The following TNIK variants were observed in gnomAD, a reference collection of about 807,000 sequenced individuals.
TNIK encodes TRAF2 and NCK-interacting protein kinase.
A neutral mutation model predicts 191.3 loss-of-function variants in TNIK; 49 were observed. The observed-to-expected ratio is 0.26, with a 90% CI of 0.20 to 0.32. The LOEUF (loss-of-function observed/expected upper bound fraction) is 0.32. Among genes scored for constraint, TNIK ranks in the 10% least tolerant of loss-of-function variants. The pLI is 1.00. For missense variants in TNIK, 1,155 were observed against 1,702.3 expected (o/e 0.68, Z 5.66); for synonymous variants, 594 against 600.9 (o/e 0.99, Z 0.17).
intron 2 of TNIK, among the ~76,000 whole-genome samples, chr3:171,351,476 A>G (rs1713201926): frequency 6.6e-6 from 1 of 152,172 alleles, no homozygotes; most frequent in African/African-American, 2.4e-5. Flanking sequence ...ATTTTTCATT[A>G]GGTATTTTGA....
chr3:171,190,834 G>A (rs1737979392), intron 5 of TNIK, 47 bp from the exon 6 acceptor site: 2 of 1,399,390 alleles, frequency 1.4e-6, no homozygotes, highest in Non-Finnish European at 2.0e-6. Flanking sequence ...CATAAGCCAA[G>A]ATGCCAATAA....
intron 1 of TNIK, among the ~76,000 whole-genome samples, chr3:171,412,702 C>T (rs1722563492): frequency 6.6e-6 from 1 of 152,214 alleles, no homozygotes; most frequent in Admixed American, 6.5e-5. Context: ...CTAAACAAGA[C>T]TGATATCTAA....
chr3:171,207,720 A>G (rs911866837), intron 4 of TNIK, among the ~76,000 whole-genome samples: 3 of 152,164 alleles, frequency 2.0e-5, no homozygotes, highest in Admixed American at 6.5e-5. Flanking sequence ...ATTGTTGACA[A>G]TGTAGAAGTC....
At chr3:171,359,475 G>A (rs138444855) in intron 2 of TNIK, among the ~76,000 whole-genome samples, 10 of 152,176 alleles carry the variant, frequency 6.6e-5, no homozygotes, top group Non-Finnish European at 1.5e-4. Flanking sequence ...GTCTGCCTTT[G>A]TTGTAGAGAG....
At chr3:171,086,830 G>C (rs1004916126) in intron 24 of TNIK, among the ~76,000 whole-genome samples, 5 of 152,010 alleles carry the variant, frequency 3.3e-5, no homozygotes, top group African/African-American at 9.7e-5. Context: ...GGTAATGCTT[G>C]GTTTCTTTCT....
At chr3:171,121,947 C>G (rs1473166891) in intron 18 of TNIK, among the ~76,000 whole-genome samples, 1 of 152,104 alleles carries the variant, frequency 6.6e-6, no homozygotes, top group African/African-American at 2.4e-5. Context: ...CTCACTTCCT[C>G]CCTTCCTCTC....
chr3:171,176,408 C>T lies in TNIK; in HGVS notation c.694+918G>A, dbSNP rs139056589. ...TAAAGGGCCTATTTTTGTCCTAGTC[C>T]TTTGAGATGCAGACACCAAGGATAT... On this transcript the variant is annotated intron_variant, in intron 8 of 32. Transcript: ENST00000436636. Among the ~76,000 whole-genome samples the T allele has an allele frequency of 2.8e-3, 431 of 152,218 alleles. 2 individuals are homozygous for T. The highest frequency in any genetic ancestry group is 1.0e-2 in the African/African-American group (414 of 41,536).
At chr3:171,316,355 A>G (rs1754597605) in intron 2 of TNIK, among the ~76,000 whole-genome samples, 1 of 152,198 alleles carries the variant, frequency 6.6e-6, no homozygotes, top group Non-Finnish European at 1.5e-5. Context: ...AAGGAGGAAT[A>G]GAGAGAAAGA....
At chr3:171,280,707 T>G (rs1045038341) in intron 2 of TNIK, among the ~76,000 whole-genome samples, 4 of 150,804 alleles carry the variant, frequency 2.7e-5, no homozygotes, top group African/African-American at 9.7e-5. Context: ...AACCAAAAGA[T>G]GAAATAAAAG....
intron 1 of TNIK, among the ~76,000 whole-genome samples, chr3:171,441,203 C>T (rs547040736): frequency 6.6e-6 from 1 of 152,226 alleles, no homozygotes; most frequent in Non-Finnish European, 1.5e-5. Context: ...TACTTTAACA[C>T]CTTTATTGAG....
At chr3:171,278,348 A>G (rs185252565) in intron 2 of TNIK, among the ~76,000 whole-genome samples, 28 of 152,300 alleles carry the variant, frequency 1.8e-4, no homozygotes, top group Non-Finnish European at 3.5e-4. Context: ...TCACATAACA[A>G]TGAATTTCTG....
intron 2 of TNIK, among the ~76,000 whole-genome samples, chr3:171,283,484 T>A (rs940355260): frequency 6.6e-6 from 1 of 152,116 alleles, no homozygotes; most frequent in Non-Finnish European, 1.5e-5. Flanking sequence ...ATAATCAGCA[T>A]CACCATTCAC....
intron 15 of TNIK, 137 bp downstream of exon 15, chr3:171,138,054 T>C: frequency 2.8e-6 from 2 of 719,590 alleles, no homozygotes; most frequent in Non-Finnish European, 3.9e-6. Flanking sequence ...TTATAGTTCT[T>C]GCAAAAGCAA....
chr3:171,209,205 C>T (rs1273747865), intron 4 of TNIK, among the ~76,000 whole-genome samples: 1 of 151,804 alleles, frequency 6.6e-6, no homozygotes, highest in Non-Finnish European at 1.5e-5. Flanking sequence ...GCCTACTAGG[C>T]AAGAAATGGT....
At chr3:171,241,429 G>C (rs1744975061) in intron 2 of TNIK, among the ~76,000 whole-genome samples, 1 of 152,086 alleles carries the variant, frequency 6.6e-6, no homozygotes, top group South Asian at 2.1e-4. Flanking sequence ...GATTTTTCCA[G>C]GTTGTATTTT....
chr3:171,189,295 T>C (rs1737738473), intron 6 of TNIK, among the ~76,000 whole-genome samples: 1 of 152,196 alleles, frequency 6.6e-6, no homozygotes, highest in African/African-American at 2.4e-5. Flanking sequence ...ATTGTGTGTA[T>C]GGACCACATT....
In TNIK at chr3:171,161,285, T is replaced by G; in HGVS notation, c.1001A>C (p.Asp334Ala). Reference protein sequence around the residue: ...SGSEEEEEENDSGEPSSILNL... With the variant: ...SGSEEEEEENASGEPSSILNL... Reference sequence around the variant, plus strand: ...GCTCTCATACCTGGGCTCTCCTGAGTCATTCTCCTCCTCTTCTTCCTCACT... The same window carrying G: ...GCTCTCATACCTGGGCTCTCCTGAGGCATTCTCCTCCTCTTCTTCCTCACT... The change falls in exon 11 of 33, where the codon GAC becomes GCC. Residue 334 changes from aspartate to alanine, a missense_variant. Asp to Ala is a moderately radical substitution (Grantham distance 126). Transcript: ENST00000436636. The G allele has an allele frequency of 6.2e-7, 1 of 1,613,342 alleles. No homozygotes were observed. The highest frequency in any genetic ancestry group is 8.5e-7 in the Non-Finnish European group (1 of 1,179,444).
intron 2 of TNIK, among the ~76,000 whole-genome samples, chr3:171,306,221 G>A (rs1443149434): frequency 6.6e-6 from 1 of 152,026 alleles, no homozygotes; most frequent in East Asian, 1.9e-4. Context: ...TGAGGGAGGA[G>A]GTTAGGAGGA....
intron 2 of TNIK, among the ~76,000 whole-genome samples, chr3:171,325,098 C>CA (rs750141741): frequency 1.2e-3 from 180 of 150,660 alleles, no homozygotes; most frequent in African/African-American, 4.2e-3. Flanking sequence ...CAGACTGTCT[C>CA]AAAATAAATA....
Sources: gnomAD v4.1 joint callset for allele counts (sites outside exome capture counted in the v4.1 genomes callset) on GRCh38, gnomAD v4.1.1 for gene constraint, MANE v1.5 for transcripts, NCBI Gene and HGNC (gene_info 2026-07-23, HGNC 2026-07-21) for gene names.